SCD5: variants seen among roughly 807,000 people sequenced by gnomAD.
The protein encoded by SCD5 is acyl-CoA-desaturase 4.
In SCD5, 20 loss-of-function variants were observed where a neutral mutation model predicts 30.4. The ratio of observed to expected loss-of-function variants is 0.66; its 90% CI spans 0.46 to 0.96. SCD5 has a LOEUF of 0.96. SCD5 is among the 40% of genes least tolerant of loss of function. SCD5 has a pLI of 0.00. For synonymous variants in SCD5, 173 were observed against 176.4 expected (o/e 0.98, Z 0.16); for missense variants, 381 against 443.3 (o/e 0.86, Z 1.26).
At chr4:82,753,291 G>C (rs756376705) in intron 1 of SCD5, 7 of 502,478 alleles carry the variant, frequency 1.4e-5, no homozygotes, top group Admixed American at 1.2e-4. Context: ...GGCTATGTGT[G>C]TTAAAAGCTC....
At chr4:82,651,297 A>C (rs927338290) in intron 3 of SCD5, among the ~76,000 whole-genome samples, 3 of 152,240 alleles carry the variant, frequency 2.0e-5, no homozygotes, top group African/African-American at 7.2e-5. Flanking sequence ...ATAAGAAAGA[A>C]AGAAATAATG....
chr4:82,779,143 G>A (rs1023475515), intron 1 of SCD5, among the ~76,000 whole-genome samples: 1 of 151,714 alleles, frequency 6.6e-6, no homozygotes, highest in South Asian at 2.1e-4. Context: ...GGGATTACAG[G>A]CGTGAGTCAC....
intron 1 of SCD5, among the ~76,000 whole-genome samples, chr4:82,791,255 T>G: frequency 6.6e-6 from 1 of 151,104 alleles, no homozygotes. Flanking sequence ...AAAAGATTAG[T>G]GGATGAATGA....
At chr4:82,749,862 T>C (rs1367193732) in intron 1 of SCD5, among the ~76,000 whole-genome samples, 3 of 152,232 alleles carry the variant, frequency 2.0e-5, no homozygotes, top group African/African-American at 7.2e-5. Context: ...TGGGAGTTAT[T>C]TATTTGAAAT....
intron 1 of SCD5, among the ~76,000 whole-genome samples, chr4:82,751,110 A>C (rs1721092612): frequency 6.6e-6 from 1 of 152,208 alleles, no homozygotes; most frequent in African/African-American, 2.4e-5. Context: ...ACCCATCATA[A>C]AGCATACAAT....
chr4:82,663,568 T>C (rs1016052810), intron 3 of SCD5, among the ~76,000 whole-genome samples: 2 of 152,196 alleles, frequency 1.3e-5, no homozygotes, highest in Admixed American at 6.5e-5. Context: ...TTGCAAGTTT[T>C]TGAATTTTTG....
chr4:82,733,797 T>A (rs1720692152), intron 1 of SCD5, among the ~76,000 whole-genome samples: 1 of 152,074 alleles, frequency 6.6e-6, no homozygotes, highest in South Asian at 2.1e-4. Flanking sequence ...CTCGGGAACA[T>A]GGTTGATGAA....
chr4:82,672,993 C>G (rs1215720520), intron 3 of SCD5, among the ~76,000 whole-genome samples: 1 of 151,948 alleles, frequency 6.6e-6, no homozygotes, highest in African/African-American at 2.4e-5. Context: ...AAATGCAACA[C>G]CCATTCATGA....
intron 1 of SCD5, among the ~76,000 whole-genome samples, chr4:82,768,003 G>GA (rs1167541502): frequency 6.6e-5 from 10 of 151,750 alleles, no homozygotes; most frequent in African/African-American, 1.2e-4. Context: ...AAACTTACAA[G>GA]AAAAAAACAA....
chr4:82,762,874 A>T (rs1721408414), intron 1 of SCD5, among the ~76,000 whole-genome samples: 1 of 152,252 alleles, frequency 6.6e-6, no homozygotes, highest in Non-Finnish European at 1.5e-5. Context: ...CAGTAGAAGC[A>T]ACTCAGGATT....
chr4:82,771,923 C>A (rs1662374328), intron 1 of SCD5, among the ~76,000 whole-genome samples: 1 of 152,196 alleles, frequency 6.6e-6, no homozygotes, highest in Admixed American at 6.5e-5. Context: ...GGGAGCCACA[C>A]TCATGATCAA....
rs28625964 is a variant in SCD5 at position 82,755,814 on chromosome 4, C to A, written c.232+42492G>T. On this transcript the variant is annotated intron_variant, in intron 1 of 4. Coordinates refer to ENST00000319540, the MANE Select transcript of SCD5 (RefSeq NM_001037582.3). ...TGACAAGTCTTCAAATGCATGATAC[C>A]ATGTTGAATTTAATTTTATGCCTGA... Among the ~76,000 whole-genome samples, 1,393 of 152,182 alleles carry A rather than the reference C, an allele frequency of 9.2e-3. 28 individuals are homozygous for A. Among genetic ancestry groups the A allele is most frequent in the African/African-American group, 0.031 (1,296 of 41,512 alleles).
intron 1 of SCD5, among the ~76,000 whole-genome samples, chr4:82,710,323 C>T (rs925984724): frequency 6.6e-6 from 1 of 152,150 alleles, no homozygotes; most frequent in African/African-American, 2.4e-5. Context: ...TGCAACCCAC[C>T]ACCAGATGCT....
At chr4:82,768,171 C>A (rs528345284) in intron 1 of SCD5, among the ~76,000 whole-genome samples, 5 of 152,126 alleles carry the variant, frequency 3.3e-5, no homozygotes, top group South Asian at 2.1e-4. Flanking sequence ...TCAAAGCAAT[C>A]CCATAAAATA....
chr4:82,790,975 C>T (rs1390280606), intron 1 of SCD5, among the ~76,000 whole-genome samples: 1 of 152,162 alleles, frequency 6.6e-6, no homozygotes, highest in Non-Finnish European at 1.5e-5. Context: ...TGTGGTGGCT[C>T]ATGCCTGTAA....
At chr4:82,709,649 T>C (rs1720039494) in intron 1 of SCD5, among the ~76,000 whole-genome samples, 1 of 152,290 alleles carries the variant, frequency 6.6e-6, no homozygotes, top group East Asian at 1.9e-4. Flanking sequence ...AGAGGATCCA[T>C]GGATGGAAGG....
chr4:82,751,085 C>T (rs535091361), intron 1 of SCD5, among the ~76,000 whole-genome samples: 8 of 152,260 alleles, frequency 5.3e-5, no homozygotes, highest in South Asian at 2.1e-4. Flanking sequence ...CAGGGCTTCA[C>T]AAAGAGCTGT....
intron 1 of SCD5, among the ~76,000 whole-genome samples, chr4:82,706,517 G>C (rs1455244725): frequency 1.3e-5 from 2 of 152,234 alleles, no homozygotes; most frequent in African/African-American, 2.4e-5. Flanking sequence ...GGTTTCCCAT[G>C]GTCCTTCTAA....
chr4:82,786,792 TA>T (rs11462424), intron 1 of SCD5, among the ~76,000 whole-genome samples: 7,550 of 127,146 alleles, frequency 0.059, 331 homozygotes, highest in African/African-American at 0.14. Flanking sequence ...GACTTTGCCT[TA>T]AAAAAAAAAA....
Sources: gnomAD v4.1 joint callset for allele counts (sites outside exome capture counted in the v4.1 genomes callset) on GRCh38, gnomAD v4.1.1 for gene constraint, MANE v1.5 for transcripts, NCBI Gene and HGNC (gene_info 2026-07-23, HGNC 2026-07-21) for gene names.